The following TMTC4 variants were observed in gnomAD, a reference collection of about 807,000 sequenced individuals.
TMTC4 encodes the protein protein O-mannosyl-transferase TMTC4.
A neutral mutation model predicts 86.0 loss-of-function variants in TMTC4; 65 were observed. The ratio of observed to expected loss-of-function variants is 0.76; its 90% CI spans 0.62 to 0.93. TMTC4 has a LOEUF of 0.93. TMTC4 is among the 40% of genes least tolerant of loss of function. The pLI, the probability that TMTC4 is intolerant of heterozygous loss-of-function variation, is 0.00. For synonymous variants in TMTC4, 379 were observed against 382.5 expected, an observed-to-expected ratio of 0.99 and a Z score of 0.11; for missense variants, 866 against 948.1, an observed-to-expected ratio of 0.91 and a Z score of 1.14.
chr13:100,640,928 T>C (rs1882924384), intron 7 of TMTC4, among the ~76,000 whole-genome samples: 1 of 152,188 alleles, frequency 6.6e-6, no homozygotes, highest in African/African-American at 2.4e-5. Context: ...AGGAAACTGG[T>C]TAGAATGGAG....
intron 9 of TMTC4, among the ~76,000 whole-genome samples, chr13:100,636,991 CTATGAT>C (rs575342970): frequency 7.0e-4 from 107 of 152,134 alleles, no homozygotes; most frequent in Non-Finnish European, 1.4e-3. Flanking sequence ...TCTGGCAAAG[CTATGAT>C]CTATTTGCTG....
At chr13:100,641,870 G>A (rs908249439) in intron 7 of TMTC4, among the ~76,000 whole-genome samples, 18 of 152,266 alleles carry the variant, frequency 1.2e-4, no homozygotes, top group African/African-American at 2.9e-4. Flanking sequence ...AGGTGATCTA[G>A]GACTGCTGAA....
Position 100,670,350 on chromosome 13 carries a change from C to T in TMTC4, c.3+10G>A, listed in dbSNP as rs372253496. On this transcript the variant is annotated intron_variant, in intron 2 of 18. Coordinates refer to ENST00000342624, the MANE Select transcript of TMTC4 (RefSeq NM_032813.5). ...AGATGGAGACAGATCCAACAGGCAA[C>T]GGGACACACCATTCCATGGTGATGC... 1.3e-4 allele frequency: 209 copies of T among 1,608,834 alleles called. No individual in the cohort carries two copies. Among genetic ancestry groups the T allele is most frequent in the South Asian group, 4.2e-4 (38 of 89,918 alleles).
intron 15 of TMTC4, among the ~76,000 whole-genome samples, chr13:100,616,467 C>T (rs969745147): frequency 6.6e-6 from 1 of 152,204 alleles, no homozygotes; most frequent in African/African-American, 2.4e-5. Context: ...TTCCAAAGTG[C>T]TGGGTTTACA....
chr13:100,618,714 A>G (rs1007482709), intron 15 of TMTC4, among the ~76,000 whole-genome samples: 2 of 152,172 alleles, frequency 1.3e-5, no homozygotes, highest in East Asian at 1.9e-4. Flanking sequence ...CTGCCTTCAA[A>G]CATCTGTTTA....
upstream of TMTC4, chr13:100,674,899 C>G (rs1048420272): frequency 1.0e-6 from 1 of 983,692 alleles, no homozygotes; most frequent in Non-Finnish European, 1.2e-6. Context: ...CGCGCGCGGG[C>G]GCCCCCCAGC....
At position 100,670,349 on chromosome 13, in the gene TMTC4, A is replaced by G; in HGVS notation, c.3+11T>C. On this transcript the variant is annotated intron_variant, in intron 2 of 18. Transcript: ENST00000342624. The stretch of plus-strand genomic sequence containing the variant: ...AAGATGGAGACAGATCCAACAGGCA[A>G]CGGGACACACCATTCCATGGTGATG... The G allele has an allele frequency of 1.2e-6, 2 of 1,609,474 alleles. No homozygotes were observed. The highest frequency in any genetic ancestry group is 1.7e-6 in the Non-Finnish European group (2 of 1,178,240).
chr13:100,670,012 G>A (rs1886890670), intron 2 of TMTC4, among the ~76,000 whole-genome samples: 1 of 152,254 alleles, frequency 6.6e-6, no homozygotes, highest in Non-Finnish European at 1.5e-5. Flanking sequence ...AGGCTCAGGG[G>A]AGGCCGGCTA....
intron 17 of TMTC4, among the ~76,000 whole-genome samples, chr13:100,607,494 G>A (rs1298704754): frequency 6.6e-6 from 1 of 150,780 alleles, no homozygotes; most frequent in South Asian, 2.1e-4. Context: ...TCCAGCCTGG[G>A]CAAGAGAGCA....
intron 3 of TMTC4, 30 bp downstream of exon 3, chr13:100,668,547 TAA>T (rs778691448): frequency 6.2e-7 from 1 of 1,601,580 alleles, no homozygotes; most frequent in Non-Finnish European, 8.5e-7. Context: ...GTTGGGCAGT[TAA>T]GTTTACCAGA....
Position 100,638,006 on chromosome 13 carries a change from A to T in TMTC4, c.758T>A (p.Phe253Tyr), listed in dbSNP as rs751967596. Reference sequence around the variant, plus strand: ...GAATTTGCCTATCACCAAGATGTCAAATACCGCATTTAAACCCTAAGAAAG... The same window carrying T: ...GAATTTGCCTATCACCAAGATGTCATATACCGCATTTAAACCCTAAGAAAG... ...GITVLGLNAV[F>Y]DILVIGKFNV... is the part of the protein sequence containing the mutation. Residue 253 changes from phenylalanine (F) to tyrosine (Y), a missense_variant, in exon 8 of 19, where the codon TTT becomes TAT. Coordinates refer to ENST00000342624, the MANE Select transcript of TMTC4 (RefSeq NM_032813.5). The T allele has an allele frequency of 6.2e-7, 1 of 1,613,994 alleles. No individual in the cohort carries two copies. Among genetic ancestry groups the T allele is most frequent in the Non-Finnish European group, 8.5e-7 (1 of 1,179,970 alleles).
chr13:100,674,184 G>GGCCGC (rs1887518288), intron 1 of TMTC4: 1 of 796,388 alleles, frequency 1.3e-6, no homozygotes, highest in Non-Finnish European at 1.5e-6. Flanking sequence ...GCCCGGGCCG[G>GGCCGC]TGGCCCCGCG....
At chr13:100,650,162 T>C (rs1419089810) in intron 6 of TMTC4, among the ~76,000 whole-genome samples, 1 of 152,222 alleles carries the variant, frequency 6.6e-6, no homozygotes, top group African/African-American at 2.4e-5. Context: ...AGGATAATTA[T>C]GCAGCATTAG....
chr13:100,651,558 C>T (rs1259631326), intron 6 of TMTC4, among the ~76,000 whole-genome samples: 3 of 138,720 alleles, frequency 2.2e-5, no homozygotes, highest in Admixed American at 7.2e-5. Context: ...GTACATTTTT[C>T]ATTTTCTGAA....
At chr13:100,608,452 C>CA (rs1371432685) in intron 17 of TMTC4, among the ~76,000 whole-genome samples, 1 of 152,074 alleles carries the variant, frequency 6.6e-6, no homozygotes, top group Admixed American at 6.5e-5. Flanking sequence ...GCCAGGGCAA[C>CA]AAAAACACGA....
intron 6 of TMTC4, among the ~76,000 whole-genome samples, chr13:100,649,076 T>C (rs1884105034): frequency 6.6e-6 from 1 of 152,200 alleles, no homozygotes; most frequent in Non-Finnish European, 1.5e-5. Flanking sequence ...CTTAATTTAA[T>C]ATTTTAAAAC....
intron 12 of TMTC4, 151 bp from the exon 13 acceptor site, chr13:100,626,301 G>A: frequency 1.3e-6 from 1 of 743,342 alleles, no homozygotes; most frequent in Non-Finnish European, 2.3e-6. Context: ...CAGGGGTTAG[G>A]AGTTGCTTGT....
chr13:100,666,840 G>A (rs1280121526), intron 3 of TMTC4, among the ~76,000 whole-genome samples: 4 of 152,112 alleles, frequency 2.6e-5, no homozygotes, highest in Non-Finnish European at 5.9e-5. Context: ...AATTTTAAAA[G>A]TCAGCTGGGA....
At chr13:100,674,148 G>C (rs1887507213) in intron 1 of TMTC4, 1 of 982,990 alleles carries the variant, frequency 1.0e-6, no homozygotes, top group Non-Finnish European at 1.2e-6. Flanking sequence ...CCCACGCCGG[G>C]AAGCGGCGGC....
Sources: gnomAD v4.1 joint callset for allele counts (sites outside exome capture counted in the v4.1 genomes callset) on GRCh38, gnomAD v4.1.1 for gene constraint, MANE v1.5 for transcripts, NCBI Gene and HGNC (gene_info 2026-07-23, HGNC 2026-07-21) for gene names.